Variants in SORCS1 observed in about 807,000 individuals in gnomAD.
SORCS1 encodes the protein sortilin related VPS10 domain containing receptor 1.
SORCS1 carries 60 observed loss-of-function variants against 146.1 expected under a neutral mutation model. That is an observed-to-expected ratio of 0.41 (90% CI 0.33 to 0.51). SORCS1 has a LOEUF of 0.51. Ranked by LOEUF, SORCS1 falls within the 20% of genes least tolerant of loss-of-function variation. SORCS1 has a pLI of 0.21. For missense variants in SORCS1, 1,352 were observed against 1,487.6 expected (o/e 0.91, Z 1.50); for synonymous variants, 637 against 584.0 (o/e 1.09, Z -1.31).
At chr10:106,639,399 G>A (rs1278821835) in intron 18 of SORCS1, among the ~76,000 whole-genome samples, 1 of 152,216 alleles carries the variant, frequency 6.6e-6, no homozygotes, top group African/African-American at 2.4e-5. Context: ...AGGTATCTAA[G>A]TCAGACTAAA....
upstream of SORCS1, among the ~76,000 whole-genome samples, chr10:107,167,596 T>G (rs1375462757): frequency 6.6e-6 from 1 of 152,026 alleles, no homozygotes; most frequent in Non-Finnish European, 1.5e-5. Context: ...CCAATAGTCA[T>G]CTCCAAAGAT....
Position 106,579,282 on chromosome 10 carries a change from T to C in SORCS1, c.3371+87A>G, listed in dbSNP as rs372318888. 17 of 1,613,968 alleles carry C rather than the reference T, an allele frequency of 1.1e-5. No homozygotes were observed. The African/African-American group carries it at 1.5e-4, about 14-fold the overall frequency. On this transcript the variant is annotated intron_variant, in intron 25 of 25. Coordinates refer to ENST00000263054, the MANE Select transcript of SORCS1 (RefSeq NM_052918.5). ...ATATTAATAGAAACCATCACTGCTATGCACATCACTGTAACACATGCTTCT... is the reference window on the plus strand; with the variant it reads ...ATATTAATAGAAACCATCACTGCTACGCACATCACTGTAACACATGCTTCT...
Position 106,709,300 on chromosome 10 carries a change from C to T in SORCS1, c.1066G>A (p.Ala356Thr). ...CCTGGAAAAGGCTGATTCCTGTTGG[C>T]CTCTGTACAGTTCTGCATTCGGCAA... ...LTCRMQNCTE[A>T]NRNQPFPGYI... The change falls in exon 7 of 26, where the codon GCC becomes ACC. Residue 356 changes from alanine (A) to threonine (T), a missense_variant. By Grantham distance (58) the Ala-to-Thr change is moderately conservative (BLOSUM62 0). Transcript: ENST00000263054. 3 of 1,613,874 alleles carry T rather than the reference C, an allele frequency of 1.9e-6. No individual in the cohort carries two copies. The highest frequency in any genetic ancestry group is 2.5e-6 in the Non-Finnish European group (3 of 1,179,902).
chr10:106,778,134 TA>T (rs1860602551), intron 3 of SORCS1, among the ~76,000 whole-genome samples: 2 of 152,160 alleles, frequency 1.3e-5, no homozygotes, highest in Admixed American at 6.5e-5. Context: ...CCTGTCACTG[TA>T]AATGGCACAA....
At chr10:106,986,780 T>C (rs1465363180) in intron 1 of SORCS1, among the ~76,000 whole-genome samples, 1 of 152,238 alleles carries the variant, frequency 6.6e-6, no homozygotes. Flanking sequence ...ATTTTCATTT[T>C]AGATCGTATG....
rs1951418557 is a variant in SORCS1, at chr10:106,895,178, T to C, written c.626+61335A>G. On this transcript the variant is annotated intron_variant, in intron 2 of 25. Coordinates refer to ENST00000263054, the MANE Select transcript of SORCS1 (RefSeq NM_052918.5). ...TTTGTGCTTTCTCTGTCCCTTCCCT[T>C]TGTAGCAGGGGTTTTGAAACATCTG... Among the ~76,000 whole-genome samples the C allele has an allele frequency of 2.6e-5, 4 of 152,134 alleles. No individual in the cohort carries two copies. In the South Asian group the frequency reaches 8.3e-4, roughly 32 times the overall value.
chr10:106,970,674 A>C (rs1955738146), intron 1 of SORCS1, among the ~76,000 whole-genome samples: 1 of 151,202 alleles, frequency 6.6e-6, no homozygotes, highest in Non-Finnish European at 1.5e-5. Flanking sequence ...CTCCCATCTA[A>C]CCTCACCTCA....
At chr10:106,926,010 GAA>G (rs574729007) in intron 2 of SORCS1, among the ~76,000 whole-genome samples, 1 of 151,666 alleles carries the variant, frequency 6.6e-6, no homozygotes. Flanking sequence ...CACTTTGGAA[GAA>G]AAAAAAGACT....
chr10:107,164,851 G>A (rs1969994600), upstream of SORCS1, among the ~76,000 whole-genome samples: 1 of 146,154 alleles, frequency 6.8e-6, no homozygotes, highest in Non-Finnish European at 1.5e-5. This position sits in a 1 kb window ranked among gnomAD's most constrained non-coding sequence, Gnocchi z 6.8. Flanking sequence ...CGCGTCCCGC[G>A]GCCGAGCTGC....
intron 10 of SORCS1, among the ~76,000 whole-genome samples, chr10:106,681,367 G>A (rs894347874): frequency 6.6e-6 from 1 of 152,060 alleles, no homozygotes; most frequent in Non-Finnish European, 1.5e-5. Flanking sequence ...TCTATTTCAG[G>A]TACATACAAT....
In SORCS1 at chr10:106,700,612, C is replaced by T. The variant is rs145260645; in HGVS notation, c.1234-1219G>A. 1.7e-3 allele frequency among the ~76,000 whole-genome samples: 258 copies of T among 152,228 alleles called. 1 individual carries two copies. Among genetic ancestry groups the T allele is most frequent in the Non-Finnish European group, 2.9e-3 (200 of 68,014 alleles). ...AATCTTCCTGTTAACAATTCCAGTG[C>T]GGGGAAATTCCACCTAACTACTAAC... is the stretch of plus-strand genomic sequence containing the variant. On this transcript the variant is annotated intron_variant, in intron 8 of 25. Coordinates refer to ENST00000263054, the MANE Select transcript of SORCS1 (RefSeq NM_052918.5).
intron 18 of SORCS1, among the ~76,000 whole-genome samples, chr10:106,650,530 T>C (rs1849782205): frequency 6.6e-6 from 1 of 152,184 alleles, no homozygotes; most frequent in Non-Finnish European, 1.5e-5. Flanking sequence ...AAAAAGGCCC[T>C]GTATGTGTGC....
chr10:107,018,198 G>A (rs558421772), intron 1 of SORCS1, among the ~76,000 whole-genome samples: 5 of 150,986 alleles, frequency 3.3e-5, no homozygotes, highest in Non-Finnish European at 7.4e-5. Flanking sequence ...TTTCGGAGAC[G>A]GAGTCCCGCT....
chr10:106,996,407 G>A (rs1037698090), intron 1 of SORCS1, among the ~76,000 whole-genome samples: 1 of 152,034 alleles, frequency 6.6e-6, no homozygotes, highest in East Asian at 1.9e-4. Flanking sequence ...TTATAAAATA[G>A]CTTTCATAGA....
At chr10:106,982,321 T>C (rs973291178) in intron 1 of SORCS1, among the ~76,000 whole-genome samples, 12 of 152,312 alleles carry the variant, frequency 7.9e-5, no homozygotes, top group Non-Finnish European at 1.6e-4. Context: ...TAAGTAAATA[T>C]TGACATACAG....
At chr10:107,016,111 A>AT (rs1957886620) in intron 1 of SORCS1, among the ~76,000 whole-genome samples, 1 of 152,244 alleles carries the variant, frequency 6.6e-6, no homozygotes, top group African/African-American at 2.4e-5. Flanking sequence ...AGATATGAAT[A>AT]TTTTTAATAA....
At chr10:106,663,865 C>T (rs1053753144) in intron 17 of SORCS1, among the ~76,000 whole-genome samples, 12 of 152,166 alleles carry the variant, frequency 7.9e-5, no homozygotes, top group African/African-American at 2.4e-4. Context: ...CAACCACTCC[C>T]GTGACTTTAG....
chr10:106,634,271 G>A (rs1848604319), intron 18 of SORCS1, among the ~76,000 whole-genome samples: 1 of 152,156 alleles, frequency 6.6e-6, no homozygotes, highest in South Asian at 2.1e-4. Flanking sequence ...TGTATCTTCA[G>A]TGCCTTAATG....
At chr10:106,762,978 C>G (rs1859257368) in intron 4 of SORCS1, among the ~76,000 whole-genome samples, 1 of 152,142 alleles carries the variant, frequency 6.6e-6, no homozygotes, top group African/African-American at 2.4e-5. Flanking sequence ...GCTTCTCTCT[C>G]TCTCCCCTTT....
Sources: gnomAD v4.1 joint callset for allele counts (sites outside exome capture counted in the v4.1 genomes callset) on GRCh38, gnomAD v4.1.1 for gene constraint, Gnocchi (gnomAD v3.1) non-coding constraint, MANE v1.5 for transcripts, NCBI Gene and HGNC (gene_info 2026-07-23, HGNC 2026-07-21) for gene names.